RAB27B: variants seen among roughly 807,000 people sequenced by gnomAD.
RAB27B encodes RAB27B, member RAS oncogene family.
RAB27B carries 15 observed loss-of-function variants against 24.6 expected under a neutral mutation model. That is an observed-to-expected ratio of 0.61 (90% confidence interval 0.41 to 0.94). RAB27B has a LOEUF of 0.94. Among genes scored for constraint, RAB27B ranks in the 40% least tolerant of loss-of-function variants. The pLI, the probability that RAB27B is intolerant of heterozygous loss-of-function variation, is 0.00. For synonymous variants in RAB27B, 105 were observed against 92.5 expected, an observed-to-expected ratio of 1.14 and a Z score of -0.78; for missense variants, 261 against 266.8, an observed-to-expected ratio of 0.98 and a Z score of 0.15.
chr18:54,758,294 A>C (rs190888364), intron 2 of RAB27B, among the ~76,000 whole-genome samples: 1 of 152,294 alleles, frequency 6.6e-6, no homozygotes, highest in Admixed American at 6.5e-5. Context: ...AATGTACTTA[A>C]TACTTACCTG....
chr18:54,800,868 AT>A (rs1322046764), intron 2 of RAB27B, among the ~76,000 whole-genome samples: 1 of 152,242 alleles, frequency 6.6e-6, no homozygotes, highest in African/African-American at 2.4e-5. Flanking sequence ...TTATGCTGTT[AT>A]TATCAGCTCA....
chr18:54,766,237 TAA>T (rs1215351652), intron 2 of RAB27B, among the ~76,000 whole-genome samples: 1 of 152,084 alleles, frequency 6.6e-6, no homozygotes, highest in African/African-American at 2.4e-5. Flanking sequence ...GAAACAAATA[TAA>T]AGCAAAGTCA....
At position 54,720,523 on chromosome 18, in the gene RAB27B, T is replaced by C. The variant is rs140698273; in HGVS notation, c.-20+2382T>C. Among the ~76,000 whole-genome samples, 71 of 152,204 alleles carry C rather than the reference T, an allele frequency of 4.7e-4. 1 individual carries two copies. In the East Asian group the frequency reaches 0.013, roughly 28 times the overall value. On this transcript the variant is annotated intron_variant, in intron 2 of 4. Coordinates refer to the RAB27B transcript ENST00000586570. ...TACTTAGACATTTCTAAAAGACAGATTTTACATTATTTCTACATAGAAAAA... is the reference window on the plus strand; with the variant it reads ...TACTTAGACATTTCTAAAAGACAGACTTTACATTATTTCTACATAGAAAAA...
At chr18:54,797,689 CAG>C (rs1909468746) in intron 2 of RAB27B, among the ~76,000 whole-genome samples, 1 of 152,104 alleles carries the variant, frequency 6.6e-6, no homozygotes, top group African/African-American at 2.4e-5. Context: ...TAAAGGATTG[CAG>C]AGTGACTTAT....
At chr18:54,876,146 C>A (rs1212506477) in intron 1 of RAB27B, among the ~76,000 whole-genome samples, 4 of 152,028 alleles carry the variant, frequency 2.6e-5, no homozygotes, top group African/African-American at 9.7e-5. Flanking sequence ...AGAGAGATAG[C>A]AAAGGGGGAA....
intron 1 of RAB27B, among the ~76,000 whole-genome samples, chr18:54,875,096 G>A (rs904758505): frequency 7.9e-5 from 12 of 152,170 alleles, no homozygotes; most frequent in African/African-American, 2.9e-4. Context: ...GCTGAAATGG[G>A]TGGATTGCTT....
At chr18:54,796,199 A>T (rs1909412896) in intron 2 of RAB27B, among the ~76,000 whole-genome samples, 2 of 152,156 alleles carry the variant, frequency 1.3e-5, no homozygotes, top group African/African-American at 2.4e-5. Context: ...TACAGAAGCC[A>T]TGGGGAGTGC....
chr18:54,850,173 A>G (rs1911503521), intron 1 of RAB27B, among the ~76,000 whole-genome samples: 1 of 149,016 alleles, frequency 6.7e-6, no homozygotes, highest in East Asian at 1.9e-4. Context: ...CTTCCTGTCT[A>G]AAAAAACATT....
intron 2 of RAB27B, among the ~76,000 whole-genome samples, chr18:54,749,028 A>G (rs900189786): frequency 4.6e-5 from 7 of 152,184 alleles, no homozygotes; most frequent in Non-Finnish European, 2.9e-5. Context: ...AAAGTTCCCC[A>G]GGTAACTTCT....
intron 2 of RAB27B, among the ~76,000 whole-genome samples, chr18:54,792,478 C>A (rs922530179): frequency 6.6e-6 from 1 of 152,094 alleles, no homozygotes; most frequent in Admixed American, 6.5e-5. Flanking sequence ...CAATCTAAAC[C>A]CCTTTATTCA....
intron 1 of RAB27B, among the ~76,000 whole-genome samples, chr18:54,847,257 G>A (rs1195804410): frequency 6.6e-6 from 1 of 152,100 alleles, no homozygotes; most frequent in East Asian, 1.9e-4. Context: ...ATGTTTCTGG[G>A]GCTCTGACAT....
chr18:54,749,881 T>C (rs1005335165), intron 2 of RAB27B, among the ~76,000 whole-genome samples: 1 of 152,170 alleles, frequency 6.6e-6, no homozygotes, highest in Admixed American at 6.6e-5. Context: ...TTTTATACTG[T>C]CAATTAATAC....
chr18:54,839,965 G>A (rs1166545699), intron 1 of RAB27B, among the ~76,000 whole-genome samples: 1 of 152,078 alleles, frequency 6.6e-6, no homozygotes, highest in African/African-American at 2.4e-5. Context: ...CCTTATTAAG[G>A]AAGAAACAAA....
intron 2 of RAB27B, among the ~76,000 whole-genome samples, chr18:54,719,793 C>T (rs1323222226): frequency 1.3e-5 from 2 of 151,942 alleles, no homozygotes; most frequent in African/African-American, 4.8e-5. Context: ...TTCCTATATT[C>T]CAAGTCTGTA....
chr18:54,814,017 A>G (rs1476686348), intron 2 of RAB27B, among the ~76,000 whole-genome samples: 3 of 152,212 alleles, frequency 2.0e-5, no homozygotes, highest in African/African-American at 7.2e-5. Flanking sequence ...GACTTTCCCT[A>G]TGTATGCTGT....
At chr18:54,875,460 A>G (rs530810024) in intron 1 of RAB27B, among the ~76,000 whole-genome samples, 1 of 152,294 alleles carries the variant, frequency 6.6e-6, no homozygotes, top group Non-Finnish European at 1.5e-5. Flanking sequence ...TAATTGAGAC[A>G]TGTGTATCCT....
At chr18:54,788,559 T>G (rs1909158795) in intron 2 of RAB27B, among the ~76,000 whole-genome samples, 1 of 152,196 alleles carries the variant, frequency 6.6e-6, no homozygotes, top group Non-Finnish European at 1.5e-5. Flanking sequence ...TGCCTTGGCC[T>G]CCCAAAGTGC....
intron 2 of RAB27B, among the ~76,000 whole-genome samples, chr18:54,808,474 C>T (rs1009252984): frequency 2.6e-5 from 4 of 152,192 alleles, no homozygotes; most frequent in Admixed American, 1.3e-4. Context: ...GAAATGTAAA[C>T]GCTCATTTAT....
chr18:54,808,870 G>C (rs1598920251), intron 2 of RAB27B, among the ~76,000 whole-genome samples: 1 of 152,140 alleles, frequency 6.6e-6, no homozygotes, highest in African/African-American at 2.4e-5. Flanking sequence ...TAAAAAATGA[G>C]AAGAACCTTT....
Sources: gnomAD v4.1 joint callset for allele counts (sites outside exome capture counted in the v4.1 genomes callset) on GRCh38, gnomAD v4.1.1 for gene constraint, MANE v1.5 for transcripts, NCBI Gene and HGNC (gene_info 2026-07-23, HGNC 2026-07-21) for gene names.